CCL24: variants seen among roughly 807,000 people sequenced by gnomAD.
CCL24 encodes the protein C-C motif chemokine 24.
CCL24 carries 6 observed loss-of-function variants against 8.6 expected under a neutral mutation model. The ratio of observed to expected loss-of-function variants is 0.70; its 90% CI spans 0.38 to 1.38. CCL24 has a LOEUF of 1.38. CCL24 is among the 40% of genes most tolerant of loss of function. The pLI is 0.02. For synonymous variants in CCL24, 59 were observed against 52.7 expected (o/e 1.12, Z -0.52); for missense variants, 126 against 147.1 (o/e 0.86, Z 0.74).
chr7:75,816,552 T>C (rs1050003050), upstream of CCL24, among the ~76,000 whole-genome samples: 2 of 147,888 alleles, frequency 1.4e-5, no homozygotes, highest in Non-Finnish European at 3.0e-5. Context: ...TCTTTAAAAT[T>C]TTATTTATTT....
At chr7:75,812,056 C>G (rs528075437) in intron 2 of CCL24, 92 bp from the exon 3 acceptor site, 2 of 1,036,312 alleles carry the variant, frequency 1.9e-6, no homozygotes, top group Non-Finnish European at 2.8e-6. Context: ...CGCCCAGAGA[C>G]AGTAAGGCTT....
In CCL24 at chr7:75,820,101, T is replaced by TTCC. The variant is rs1804006819; in HGVS notation, c.-60+3220_-60+3221insGGA. 1.1e-4 allele frequency among the ~76,000 whole-genome samples: 13 copies of TTCC among 120,852 alleles called. 2 individuals are homozygous for TTCC. The highest frequency in any genetic ancestry group is 3.2e-4 in the South Asian group (1 of 3,082). The allele number at this position is 120,852 out of a possible 152,430, so 79.3% of individuals were successfully genotyped here. ...CTTCTTCTTCTTCCTCTTCTTCTTC[T>TTCC]TCTTCCTTCTTCTTCTTCTTCTTCT... On this transcript the variant is annotated intron_variant, in intron 1 of 3. Transcript: ENST00000416943.
Position 75,811,348 on chromosome 7 carries a change from A to G in CCL24, c.*448T>C, listed in dbSNP as rs28374387. On this transcript the variant is annotated 3_prime_UTR_variant, in exon 3 of 3. Coordinates refer to ENST00000222902, the MANE Select transcript of CCL24 (RefSeq NM_002991.3). The stretch of plus-strand genomic sequence containing the variant: ...ACAAAAGTTAGTTGGGTGTGGTGGT[A>G]CACACCTGTAGTCCCAGGTACTCGG... 0.55 allele frequency among the ~76,000 whole-genome samples: 83,028 copies of G among 151,342 alleles called. 23,261 individuals carry two copies. The highest frequency in any genetic ancestry group is 0.78 in the East Asian group (3,985 of 5,110).
intron 1 of CCL24, among the ~76,000 whole-genome samples, chr7:75,822,155 C>G (rs1585032888): frequency 6.6e-6 from 1 of 151,998 alleles, no homozygotes; most frequent in Non-Finnish European, 1.5e-5. Flanking sequence ...TCTCACCTGT[C>G]CCGACACTTT....
chr7:75,814,644 C>G (rs1554533878), upstream of CCL24, among the ~76,000 whole-genome samples: 1 of 151,890 alleles, frequency 6.6e-6, no homozygotes. Flanking sequence ...GTCAGGACCG[C>G]TTTCCATCAG....
At chr7:75,820,893 A>G (rs1585032298) in intron 1 of CCL24, among the ~76,000 whole-genome samples, 1 of 150,582 alleles carries the variant, frequency 6.6e-6, no homozygotes, top group Admixed American at 6.6e-5. Flanking sequence ...CCATCCATCC[A>G]TTCATTAATC....
In CCL24 at chr7:75,811,848, A is replaced by C. The variant is rs782809664; in HGVS notation, c.308T>G (p.Val103Gly). ...TCTCTGGACAGGGCCCTTGACAGCC[A>C]CTGCCCTGGCCCTAGGGGAAGCCTT... ...QKKASPRARA[V>G]AVKGPVQRYP... is the part of the protein sequence containing the mutation. The change falls in exon 3 of 3, where the codon GTG becomes GGG. Residue 103 changes from valine (V) to glycine (G), a missense_variant. Transcript: ENST00000222902. 6.2e-7 allele frequency: 1 copy of C among 1,612,872 alleles called. No individual in the cohort carries two copies. The highest frequency in any genetic ancestry group is 1.7e-5 in the Admixed American group (1 of 59,724).
upstream of CCL24, among the ~76,000 whole-genome samples, chr7:75,816,665 G>T (rs141395073): frequency 6.6e-6 from 1 of 151,414 alleles, no homozygotes; most frequent in East Asian, 1.9e-4. Flanking sequence ...AGGTTCAAGC[G>T]ATTCTCCCGC....
intron 1 of CCL24, among the ~76,000 whole-genome samples, chr7:75,822,820 C>T (rs1804076847): frequency 6.6e-6 from 1 of 152,082 alleles, no homozygotes; most frequent in Non-Finnish European, 1.5e-5. Context: ...CAGAGCAAGA[C>T]TCAATCTCCA....
chr7:75,813,578 T>C, intron 1 of CCL24, 65 bp downstream of exon 1: 1 of 1,458,640 alleles, frequency 6.9e-7, no homozygotes, highest in Admixed American at 1.7e-5. Context: ...GGCTGGTCAG[T>C]CCTGCACCCC....
chr7:75,819,605 TAAATA>T (rs1331141257), intron 1 of CCL24, among the ~76,000 whole-genome samples: 3 of 151,162 alleles, frequency 2.0e-5, no homozygotes, highest in Admixed American at 6.6e-5. Context: ...TCTCAATAAA[TAAATA>T]AAAGAAGGGG....
chr7:75,817,181 T>C (rs1288351715), upstream of CCL24, among the ~76,000 whole-genome samples: 4 of 152,096 alleles, frequency 2.6e-5, no homozygotes, highest in African/African-American at 9.7e-5. Flanking sequence ...TGATGTCTTA[T>C]GACAGCTCTT....
chr7:75,816,683 T>G (rs1456820220), upstream of CCL24, among the ~76,000 whole-genome samples: 1 of 151,560 alleles, frequency 6.6e-6, no homozygotes, highest in Non-Finnish European at 1.5e-5. Context: ...CGCCTCAGCC[T>G]CCCCAGTAGC....
Position 75,813,792 on chromosome 7 carries a change from G to A in CCL24, c.-77C>T, listed in dbSNP as rs900716871. 54 of 1,216,468 alleles carry A rather than the reference G, an allele frequency of 4.4e-5. No individual in the cohort carries two copies. Among genetic ancestry groups the A allele is most frequent in the Admixed American group, 1.2e-4 (7 of 58,544 alleles). The allele number at this position is 1,216,468 out of a possible 1,614,324, so 75.4% of individuals were successfully genotyped here. ...GAAAGGACCTAGGGATAAATAGCTC[G>A]GGTCCTTGCAGAGTACCCCAAACTC... On this transcript the variant is annotated 5_prime_UTR_variant, in exon 1 of 3. Coordinates refer to ENST00000222902, the MANE Select transcript of CCL24 (RefSeq NM_002991.3).
At position 75,813,696 on chromosome 7, in the gene CCL24, A is replaced by G; in HGVS notation, c.20T>C (p.Ile7Thr). ...ACCAAGGAACAGAAGGCTGGTTACT[A>G]TGGTCATCAGGCCTGCCATGTCTCA... MAGLMT[I>T]VTSLLFLGVC... The change falls in exon 1 of 3, where the codon ATA (isoleucine) becomes ACA (threonine). Residue 7 changes from isoleucine to threonine, a missense_variant. Ile to Thr is a moderately conservative substitution (Grantham distance 89). Transcript: ENST00000222902. 2 of 1,613,948 alleles carry G rather than the reference A, an allele frequency of 1.2e-6. No individual in the cohort carries two copies. The highest frequency in any genetic ancestry group is 1.3e-5 in the African/African-American group (1 of 75,034).
At chr7:75,820,205 G>T (rs1295295034) in intron 1 of CCL24, among the ~76,000 whole-genome samples, 1 of 142,602 alleles carries the variant, frequency 7.0e-6, no homozygotes. Flanking sequence ...TTCTTTTTTT[G>T]AGATGGAATC....
intron 1 of CCL24, among the ~76,000 whole-genome samples, chr7:75,820,106 C>CTTCTTCTTCTTCTTCTTCTT (rs1554534861): frequency 1.1e-3 from 77 of 71,956 alleles, no homozygotes; most frequent in East Asian, 2.9e-3. Flanking sequence ...TCTTCTTCTT[C>CTTCTTCTTCTTCTTCTTCTT]CTTCTTCTTC....
chr7:75,815,979 C>T (rs1803882149), upstream of CCL24, among the ~76,000 whole-genome samples: 1 of 152,192 alleles, frequency 6.6e-6, no homozygotes, highest in Non-Finnish European at 1.5e-5. Flanking sequence ...TTGCCTTCTC[C>T]AACCTCCCTG....
At chr7:75,820,716 T>TACCCATCC (rs1804028612) in intron 1 of CCL24, among the ~76,000 whole-genome samples, 4 of 140,802 alleles carry the variant, frequency 2.8e-5, no homozygotes, top group Admixed American at 1.5e-4. Context: ...TTCATCCATC[T>TACCCATCC]ACCCATCCAC....
Sources: gnomAD v4.1 joint callset for allele counts (sites outside exome capture counted in the v4.1 genomes callset) on GRCh38, gnomAD v4.1.1 for gene constraint, MANE v1.5 for transcripts, NCBI Gene and HGNC (gene_info 2026-07-23, HGNC 2026-07-21) for gene names.